Variants in TMPRSS15 observed in about 807,000 individuals in gnomAD.
TMPRSS15 encodes the protein enteropeptidase.
TMPRSS15 carries 128 observed loss-of-function variants against 125.3 expected under a neutral mutation model. The ratio of observed to expected loss-of-function variants is 1.02; its 90% confidence interval spans 0.89 to 1.18. The LOEUF is 1.18. TMPRSS15 is among the 50% of genes most tolerant of loss of function. The pLI is 0.00. For synonymous variants in TMPRSS15, 446 were observed against 423.2 expected, an observed-to-expected ratio of 1.05 and a Z score of -0.66; for missense variants, 1,283 against 1,212.7, an observed-to-expected ratio of 1.06 and a Z score of -0.86.
chr21:18,421,281 CTGAT>C (rs1473222527), intron 1 of TMPRSS15, among the ~76,000 whole-genome samples: 4 of 152,220 alleles, frequency 2.6e-5, no homozygotes, highest in Admixed American at 6.5e-5. Flanking sequence ...GTACTCCACT[CTGAT>C]TGTAAAGGGA....
intron 1 of TMPRSS15, among the ~76,000 whole-genome samples, chr21:18,471,469 C>T (rs1978779110): frequency 1.0e-5 from 1 of 98,900 alleles, no homozygotes; most frequent in Non-Finnish European, 1.9e-5. Context: ...CTTAATCTTT[C>T]AGTTTTGAAA....
rs574485683 is a variant in TMPRSS15, at chr21:18,473,719, C to T, written c.10+12080G>A. 2.6e-5 allele frequency among the ~76,000 whole-genome samples: 4 copies of T among 152,062 alleles called. No homozygotes were observed. In the East Asian group the frequency reaches 7.7e-4, roughly 29 times the overall value. ...AAAATTGGTTGTGCAACTGATAATA[C>T]CACCCATTCACATCCTAAGAATATC... On this transcript the variant is annotated intron_variant, in intron 1 of 7. Coordinates refer to the TMPRSS15 transcript ENST00000422787.
At chr21:18,412,013 T>A (rs2076167171) in intron 1 of TMPRSS15, among the ~76,000 whole-genome samples, 1 of 152,144 alleles carries the variant, frequency 6.6e-6, no homozygotes, top group African/African-American at 2.4e-5. Context: ...TAGGAAGCTT[T>A]GAAAAAAATA....
In TMPRSS15 at chr21:18,400,910, T is replaced by G. The variant is rs565031545; in HGVS notation, c.145+2568A>C. Among the ~76,000 whole-genome samples the G allele has an allele frequency of 4.6e-5, 7 of 152,172 alleles. No individual in the cohort carries two copies. In the East Asian group the frequency reaches 9.6e-4, roughly 21 times the overall value. ...AAAAACAAATAAACCCATTAAAAAC[T>G]GGGCAAAAAACATGAACAAGCACTT... On this transcript the variant is annotated intron_variant, in intron 1 of 24. Coordinates refer to ENST00000284885, the MANE Select transcript of TMPRSS15 (RefSeq NM_002772.3).
Position 18,323,188 on chromosome 21 carries a change from G to T in TMPRSS15, c.1921+3244C>A, listed in dbSNP as rs571560831. On this transcript the variant is annotated intron_variant, in intron 16 of 24. Transcript: ENST00000284885. ...TTTCTTAAAAATTTTGTTTCAAGAT[G>T]CTTTAACTTTTGCAGATGGTGGAAT... Among the ~76,000 whole-genome samples, 7 of 152,228 alleles carry T rather than the reference G, an allele frequency of 4.6e-5. No individual in the cohort carries two copies. The East Asian group carries it at 1.4e-3, about 29-fold the overall frequency.
intron 15 of TMPRSS15, 44 bp downstream of exon 15, chr21:18,329,125 T>A (rs375329840): frequency 3.8e-5 from 61 of 1,608,460 alleles, no homozygotes; most frequent in East Asian, 6.7e-5. Flanking sequence ...CAGCACAACA[T>A]CTTGAGCTTT....
intron 1 of TMPRSS15, among the ~76,000 whole-genome samples, chr21:18,447,059 A>G (rs2076257218): frequency 6.6e-6 from 1 of 152,214 alleles, no homozygotes; most frequent in Admixed American, 6.5e-5. Context: ...TATACAGCAT[A>G]TATAAGCAAC....
rs80163768 is a variant in TMPRSS15, at chr21:18,296,728, C to A, written c.2261+1006G>T. On this transcript the variant is annotated intron_variant, in intron 19 of 24. Coordinates refer to ENST00000284885, the MANE Select transcript of TMPRSS15 (RefSeq NM_002772.3). ...ATATGGTAATATAAATTTAGACACGCCTTACAGGAAAGGAAATCTAGAAGC... is the reference window on the plus strand; with the variant it reads ...ATATGGTAATATAAATTTAGACACGACTTACAGGAAAGGAAATCTAGAAGC... Among the ~76,000 whole-genome samples, 1,256 of 152,232 alleles carry A rather than the reference C, an allele frequency of 8.3e-3. 14 individuals carry two copies. Among genetic ancestry groups the A allele is most frequent in the African/African-American group, 0.029 (1,208 of 41,532 alleles).
At position 18,298,518 on chromosome 21, in the gene TMPRSS15, T is replaced by C. The variant is rs150392354; in HGVS notation, c.2166-689A>G. On this transcript the variant is annotated intron_variant, in intron 18 of 24. Coordinates refer to ENST00000284885, the MANE Select transcript of TMPRSS15 (RefSeq NM_002772.3). ...TTGAGGCCCCAGGCTTTCTTTTCCCTGAAAACCTATAATTCCCATGCTCTC... is the reference window on the plus strand; with the variant it reads ...TTGAGGCCCCAGGCTTTCTTTTCCCCGAAAACCTATAATTCCCATGCTCTC... Among the ~76,000 whole-genome samples the C allele has an allele frequency of 1.4e-4, 22 of 152,358 alleles. No homozygotes were observed. The East Asian group carries it at 4.2e-3, about 29-fold the overall frequency.
At chr21:18,451,302 C>A (rs1978335883) in intron 1 of TMPRSS15, among the ~76,000 whole-genome samples, 1 of 151,832 alleles carries the variant, frequency 6.6e-6, no homozygotes, top group Non-Finnish European at 1.5e-5. Context: ...ACACAGTTCA[C>A]CAAAAAATAA....
At chr21:18,470,320 C>G (rs1299723591) in intron 1 of TMPRSS15, among the ~76,000 whole-genome samples, 2 of 147,690 alleles carry the variant, frequency 1.4e-5, no homozygotes, top group African/African-American at 4.9e-5. Context: ...ATACAGAAAA[C>G]AAAAAAAAAA....
chr21:18,303,072 G>C (rs1209424288), intron 18 of TMPRSS15, among the ~76,000 whole-genome samples: 1 of 152,048 alleles, frequency 6.6e-6, no homozygotes, highest in Non-Finnish European at 1.5e-5. Context: ...GGAACTGTTA[G>C]CATTTATCTT....
chr21:18,285,843 A>G (rs11909758), intron 21 of TMPRSS15, among the ~76,000 whole-genome samples: 21,796 of 152,194 alleles, frequency 0.14, 1,817 homozygotes, highest in East Asian at 0.32. Flanking sequence ...ACAGGTGCAA[A>G]AGGTAGTTTT....
intron 10 of TMPRSS15, among the ~76,000 whole-genome samples, chr21:18,349,366 A>G (rs1432433223): frequency 6.6e-6 from 1 of 152,184 alleles, no homozygotes; most frequent in African/African-American, 2.4e-5. Context: ...TTTAGAAGCC[A>G]TTGCTTCACC....
intron 1 of TMPRSS15, among the ~76,000 whole-genome samples, chr21:18,410,377 A>G (rs2076163067): frequency 6.6e-6 from 1 of 152,104 alleles, no homozygotes; most frequent in South Asian, 2.1e-4. Context: ...AAGAATTGAC[A>G]AACTCCTAAT....
intron 1 of TMPRSS15, among the ~76,000 whole-genome samples, chr21:18,444,615 C>A (rs1480611717): frequency 6.6e-6 from 1 of 152,006 alleles, no homozygotes; most frequent in Non-Finnish European, 1.5e-5. Context: ...CACATGTACC[C>A]TAGAACTTAA....
At chr21:18,409,492 A>G (rs545832431) in intron 1 of TMPRSS15, among the ~76,000 whole-genome samples, 3 of 152,056 alleles carry the variant, frequency 2.0e-5, no homozygotes, top group South Asian at 4.2e-4. Context: ...TCATTTATCT[A>G]TATCTCTACT....
chr21:18,440,901 C>T (rs2076239937), intron 1 of TMPRSS15, among the ~76,000 whole-genome samples: 1 of 152,110 alleles, frequency 6.6e-6, no homozygotes, highest in African/African-American at 2.4e-5. Flanking sequence ...AGTATAATTA[C>T]TTCGATGTTA....
chr21:18,460,513 CAG>C (rs1978532093), intron 1 of TMPRSS15: 1 of 152,118 alleles, frequency 6.6e-6, no homozygotes, highest in African/African-American at 2.4e-5. Flanking sequence ...TGCAAATAAA[CAG>C]AAACAATAGA....
Sources: allele counts gnomAD v4.1 joint callset (sites outside exome capture counted in the v4.1 genomes callset), GRCh38; gene constraint gnomAD v4.1.1; transcripts MANE v1.5; gene names NCBI Gene and HGNC (gene_info 2026-07-23, HGNC 2026-07-21).